Variants in GON4L observed in about 807,000 individuals in gnomAD.
GON4L encodes GON-4-like protein.
Under a neutral mutation model 211.8 loss-of-function variants are expected in GON4L, and 87 were observed. The observed-to-expected ratio is 0.41, with a 90% confidence interval of 0.35 to 0.49. The LOEUF (loss-of-function observed/expected upper bound fraction) is 0.49. Among genes scored for constraint, GON4L ranks in the 20% least tolerant of loss-of-function variants. GON4L has a pLI of 0.15. For synonymous variants in GON4L, 875 were observed against 962.6 expected, an observed-to-expected ratio of 0.91 and a Z score of 1.68; for missense variants, 2,155 against 2,659.5, an observed-to-expected ratio of 0.81 and a Z score of 4.17.
Position 155,765,356 on chromosome 1 carries a change from T to C in GON4L, c.4117A>G (p.Lys1373Glu). 1 of 1,614,204 alleles carries C rather than the reference T, an allele frequency of 6.2e-7. No homozygotes were observed. The highest frequency in any genetic ancestry group is 1.1e-5 in the South Asian group (1 of 91,078). Residue 1373 changes from lysine to glutamate, a missense_variant, in exon 21 of 32, where the codon AAA becomes GAA. This residue lies in a region of GON4L where 615 missense variants were observed against 625.7 expected (regional missense o/e 0.98). Coordinates refer to ENST00000368331, the MANE Select transcript of GON4L (RefSeq NM_001282860.2). ...EELSSAGEVT[K>E]QTVLQKEEER... ...TCTTCCTTCTGTAAGACTGTCTGTT[T>C]CGTTACTTCTCCAGCACTGCTCAAC...
At chr1:155,791,320 A>T (rs1001291482) in intron 12 of GON4L, among the ~76,000 whole-genome samples, 1 of 152,032 alleles carries the variant, frequency 6.6e-6, no homozygotes, top group African/African-American at 2.4e-5. Flanking sequence ...CAATTTTTCT[A>T]TATATATTTT....
At chr1:155,801,799 C>T (rs1666693438) in intron 11 of GON4L, among the ~76,000 whole-genome samples, 1 of 152,028 alleles carries the variant, frequency 6.6e-6, no homozygotes, top group African/African-American at 2.4e-5. Context: ...AGGAGAATCG[C>T]TTGAACCCAG....
intron 12 of GON4L, among the ~76,000 whole-genome samples, chr1:155,790,105 A>C (rs1290809390): frequency 6.9e-6 from 1 of 145,448 alleles, no homozygotes; most frequent in Admixed American, 6.9e-5. Flanking sequence ...CACCCAGATA[A>C]TTTTTTTTTT....
At chr1:155,813,871 GA>G (rs1304979078) in intron 9 of GON4L, 67 bp from the exon 10 acceptor site, 9 of 1,337,970 alleles carry the variant, frequency 6.7e-6, no homozygotes, top group Non-Finnish European at 9.5e-6. Flanking sequence ...GCAAAAAAAG[GA>G]AAAAAAGAGA....
At chr1:155,849,807 TG>T (rs1476650390) in intron 2 of GON4L, among the ~76,000 whole-genome samples, 3 of 149,614 alleles carry the variant, frequency 2.0e-5, no homozygotes, top group Non-Finnish European at 4.4e-5. Flanking sequence ...AAAGAAAACT[TG>T]ATTCTGTCCT....
intron 6 of GON4L, 115 bp from the exon 7 acceptor site, chr1:155,816,377 T>A (rs1487694123): frequency 1.9e-5 from 12 of 633,526 alleles, no homozygotes; most frequent in Non-Finnish European, 2.9e-5. Context: ...ACTGCAGTGA[T>A]CTAGAGGTGT....
In GON4L at chr1:155,775,266, C is replaced by T. The variant is rs1305744072; in HGVS notation, c.2179-93G>A. 3 of 1,528,030 alleles carry T rather than the reference C, an allele frequency of 2.0e-6. No homozygotes were observed. In the African/African-American group the frequency reaches 4.1e-5, roughly 21 times the overall value. The allele number at this position is 1,528,030 out of a possible 1,614,324, so 94.7% of individuals were successfully genotyped here. A position where few individuals can be genotyped will look rare whatever the true frequency, so the allele number is the denominator to read the frequency against. On this transcript the variant is annotated intron_variant, in intron 16 of 31. Coordinates refer to ENST00000368331, the MANE Select transcript of GON4L (RefSeq NM_001282860.2). ...TCTAAATGAGAAGCTGACCTTCCTA[C>T]TACAGGATAAAAACAGGTAAAAATC...
At chr1:155,856,394 A>G (rs1048076100) in intron 1 of GON4L, among the ~76,000 whole-genome samples, 2 of 146,884 alleles carry the variant, frequency 1.4e-5, no homozygotes, top group African/African-American at 5.1e-5. Context: ...ACCCTCAACG[A>G]CTTTTTTTCT....
chr1:155,804,305 G>A (rs950394177), intron 11 of GON4L, among the ~76,000 whole-genome samples: 3 of 152,088 alleles, frequency 2.0e-5, no homozygotes, highest in Non-Finnish European at 4.4e-5. Context: ...GAGCCCAGGA[G>A]TTTAAGGCTA....
intron 3 of GON4L, 135 bp from the exon 4 acceptor site, chr1:155,822,611 A>T: frequency 1.4e-6 from 1 of 715,956 alleles, no homozygotes; most frequent in Non-Finnish European, 2.5e-6. Context: ...AAGGACACAT[A>T]TTATATGACG....
At chr1:155,842,607 G>A (rs898882699) in intron 2 of GON4L, among the ~76,000 whole-genome samples, 1 of 151,870 alleles carries the variant, frequency 6.6e-6, no homozygotes, top group African/African-American at 2.4e-5. Context: ...GGAGGCCGAG[G>A]TGGGTGGATC....
chr1:155,852,650 G>C (rs879857029), intron 2 of GON4L, among the ~76,000 whole-genome samples: 2 of 152,164 alleles, frequency 1.3e-5, no homozygotes, highest in Non-Finnish European at 2.9e-5. Context: ...GGCTGAGGCA[G>C]GAGAATGGCG....
chr1:155,761,191 T>C (rs1661761838), intron 23 of GON4L, among the ~76,000 whole-genome samples: 1 of 148,208 alleles, frequency 6.7e-6, no homozygotes, highest in Non-Finnish European at 1.5e-5. Context: ...TTTTTTTTTT[T>C]TTTTTTTGAG....
chr1:155,820,995 G>A (rs867401175), intron 5 of GON4L, among the ~76,000 whole-genome samples: 35 of 152,184 alleles, frequency 2.3e-4, no homozygotes, highest in Admixed American at 9.2e-4. Flanking sequence ...GGCCGGGCGC[G>A]GTGGCTCACG....
Position 155,760,540 on chromosome 1 carries a change from G to C in GON4L, c.5013C>G (p.Leu1671=), listed in dbSNP as rs1454497835. ...GGAGCAGAATTTGCAGGCTTTTGTA[G>C]AGATCTACAGCCGTCCGTCTCTGGG... is the stretch of plus-strand genomic sequence containing the variant. ...SSTQRRTAVD[L]YKSLQILLQD... is the part of the protein sequence containing the mutation. The change falls in exon 24 of 32, where the codon CTC becomes CTG. Residue 1671 remains leucine, a synonymous_variant. Coordinates refer to ENST00000368331, the MANE Select transcript of GON4L (RefSeq NM_001282860.2). 6.2e-7 allele frequency: 1 copy of C among 1,613,030 alleles called. No individual in the cohort carries two copies. Among genetic ancestry groups the C allele is most frequent in the African/African-American group, 1.3e-5 (1 of 74,902 alleles).
At chr1:155,801,680 T>A (rs2988999) in intron 11 of GON4L, among the ~76,000 whole-genome samples, 1 of 151,952 alleles carries the variant, frequency 6.6e-6, no homozygotes, top group Admixed American at 6.6e-5. Context: ...GTCAGGAGTT[T>A]GAGACCAGTC....
intron 16 of GON4L, among the ~76,000 whole-genome samples, chr1:155,776,047 T>A (rs1263427354): frequency 1.3e-5 from 2 of 152,168 alleles, no homozygotes; most frequent in African/African-American, 2.4e-5. Context: ...CTTCTCAAAG[T>A]GCTGGGATTA....
rs546086096 is a variant in GON4L, at chr1:155,846,084, G to T, written c.505+7192C>A. 6 of 226,300 alleles carry T rather than the reference G, an allele frequency of 2.7e-5. No homozygotes were observed. In the South Asian group the frequency reaches 4.0e-4, roughly 15 times the overall value. The allele number at this position is 226,300 out of a possible 1,614,324, so 14.0% of individuals were successfully genotyped here. ...GTCTTCAAGCTGCTGCCAGTCATTA[G>T]CCTATAGGAGTTTGTCAAGGCCTTT... On this transcript the variant is annotated intron_variant, in intron 2 of 31. Transcript: ENST00000368331.
intron 10 of GON4L, among the ~76,000 whole-genome samples, chr1:155,808,749 C>T (rs1016918757): frequency 3.9e-5 from 6 of 152,082 alleles, no homozygotes; most frequent in African/African-American, 1.2e-4. Flanking sequence ...GCTGAGGCTA[C>T]AGGTGTGTAA....
Sources: gnomAD v4.1 joint callset for allele counts (sites outside exome capture counted in the v4.1 genomes callset) on GRCh38, gnomAD v4.1.1 for gene constraint, gnomAD v4.1.1 regional missense constraint, MANE v1.5 for transcripts, NCBI Gene and HGNC (gene_info 2026-07-23, HGNC 2026-07-21) for gene names.